The following RBBP8 variants were observed in gnomAD, a reference collection of about 807,000 sequenced individuals.
RBBP8 encodes RB binding protein 8, endonuclease, also known as DNA endonuclease RBBP8.
RBBP8 carries 88 observed loss-of-function variants against 108.3 expected under a neutral mutation model. The observed-to-expected ratio is 0.81, with a 90% CI of 0.68 to 0.97. The LOEUF is 0.97. RBBP8 is among the 50% of genes least tolerant of loss of function. RBBP8 has a pLI of 0.00. For missense variants in RBBP8, 1,023 were observed against 1,049.0 expected, an observed-to-expected ratio of 0.98 and a Z score of 0.34; for synonymous variants, 332 against 348.2, an observed-to-expected ratio of 0.95 and a Z score of 0.52.
At chr18:22,980,447 G>C (rs1914829123) in intron 6 of RBBP8, among the ~76,000 whole-genome samples, 2 of 152,244 alleles carry the variant, frequency 1.3e-5, no homozygotes, top group South Asian at 4.1e-4. Context: ...GGTATCTGGG[G>C]ATGAGCATTC....
intron 13 of RBBP8, among the ~76,000 whole-genome samples, chr18:22,997,315 C>T (rs1322808635): frequency 6.6e-6 from 1 of 152,054 alleles, no homozygotes; most frequent in Non-Finnish European, 1.5e-5. Flanking sequence ...ATGTTCATTA[C>T]TATAAGGCAA....
chr18:22,992,631 A>T, intron 10 of RBBP8, 117 bp from the exon 11 acceptor site: 1 of 785,940 alleles, frequency 1.3e-6, no homozygotes, highest in Non-Finnish European at 2.0e-6. Context: ...CATCTAAATG[A>T]AGAGAAGCCA....
chr18:22,935,170 T>G (rs1910432766), intron 1 of RBBP8, among the ~76,000 whole-genome samples: 1 of 151,462 alleles, frequency 6.6e-6, no homozygotes, highest in South Asian at 2.1e-4. Context: ...CAGAAATAAA[T>G]GTACACAAGA....
intron 4 of RBBP8, among the ~76,000 whole-genome samples, chr18:22,957,083 G>C (rs1203507090): frequency 6.6e-6 from 1 of 152,052 alleles, no homozygotes; most frequent in African/African-American, 2.4e-5. Context: ...TTATAATCAG[G>C]AGATGTATGG....
rs528056721 is a variant in RBBP8, at chr18:22,949,895, A to G, written c.248+182A>G. The G allele has an allele frequency of 1.3e-4, 77 of 573,866 alleles. No individual in the cohort carries two copies. In the African/African-American group the frequency reaches 1.4e-3, roughly 11 times the overall value. 35.5% of individuals were successfully genotyped at this position (573,866 alleles called of 1,614,324 possible). ...CTTTAAGATTTTCATTAATTCTGAG[A>G]TCACATCAGTTTACCCTTTAAATGA... On this transcript the variant is annotated intron_variant, in intron 4 of 18. Transcript: ENST00000327155.
chr18:22,993,873 C>T lies in RBBP8; in HGVS notation c.1939+26C>T, dbSNP rs776219681. Reference sequence around the variant, plus strand: ...GTGTGTACACCATAAACAGGATCTCCACTTTTTTAATGACTTCAGATTGAA... The same window carrying T: ...GTGTGTACACCATAAACAGGATCTCTACTTTTTTAATGACTTCAGATTGAA... On this transcript the variant is annotated intron_variant, in intron 12 of 18. Coordinates refer to ENST00000327155, the MANE Select transcript of RBBP8 (RefSeq NM_002894.3). 2.5e-6 allele frequency: 4 copies of T among 1,603,872 alleles called. No individual in the cohort carries two copies. In the South Asian group the frequency reaches 3.3e-5, roughly 13 times the overall value.
chr18:23,007,818 G>T (rs1414299300), intron 16 of RBBP8, among the ~76,000 whole-genome samples: 3 of 144,016 alleles, frequency 2.1e-5, no homozygotes, highest in African/African-American at 5.1e-5. Flanking sequence ...TGTTTTTTTG[G>T]TTTTTTTTTT....
At chr18:22,932,413 G>A (rs1351649772), upstream of RBBP8, among the ~76,000 whole-genome samples, 2 of 152,194 alleles carry the variant, frequency 1.3e-5, no homozygotes, top group Non-Finnish European at 2.9e-5. Context: ...AATGATAGTT[G>A]CTGTAACAGG....
chr18:22,947,856 T>C (rs9953640), intron 3 of RBBP8, among the ~76,000 whole-genome samples: 74,625 of 151,944 alleles, frequency 0.49, 21,696 homozygotes, highest in Middle Eastern at 0.68. Flanking sequence ...TATTAAGTAA[T>C]TGAAGTTAGT....
chr18:22,994,354 CATT>C (rs1379033081), intron 12 of RBBP8, among the ~76,000 whole-genome samples: 7 of 145,490 alleles, frequency 4.8e-5, no homozygotes, highest in Non-Finnish European at 7.6e-5. Flanking sequence ...CCTTTAAAAA[CATT>C]GTTGGCCCGG....
At chr18:22,949,550 G>A (rs1156739421) in intron 3 of RBBP8, 68 bp from the exon 4 acceptor site, 4 of 1,123,750 alleles carry the variant, frequency 3.6e-6, no homozygotes, top group Non-Finnish European at 5.4e-6. Flanking sequence ...TAAACACGGT[G>A]GAGCTCTTAG....
intron 4 of RBBP8, among the ~76,000 whole-genome samples, chr18:22,966,031 A>G (rs975587415): frequency 2.0e-5 from 3 of 152,138 alleles, no homozygotes; most frequent in East Asian, 3.9e-4. Context: ...AGCTTTTCCT[A>G]TCATTGGCTT....
At chr18:22,931,698 A>T (rs1338859362), upstream of RBBP8, among the ~76,000 whole-genome samples, 1 of 152,150 alleles carries the variant, frequency 6.6e-6, no homozygotes, top group Non-Finnish European at 1.5e-5. Flanking sequence ...CTCAATTTAC[A>T]GGTAGGTAAA....
intron 17 of RBBP8, among the ~76,000 whole-genome samples, chr18:23,021,544 C>G (rs904968130): frequency 6.6e-6 from 1 of 152,150 alleles, no homozygotes; most frequent in African/African-American, 2.4e-5. Context: ...GCATGAAGTT[C>G]AAGTTCTTTG....
chr18:22,928,450 A>G (rs1280233876), upstream of RBBP8, among the ~76,000 whole-genome samples: 2 of 152,140 alleles, frequency 1.3e-5, no homozygotes, highest in South Asian at 4.1e-4. Flanking sequence ...ACTTAAAAGA[A>G]TAAGAAAGAT....
intron 2 of RBBP8, among the ~76,000 whole-genome samples, chr18:22,937,292 T>C (rs1055766879): frequency 7.2e-5 from 11 of 152,088 alleles, no homozygotes; most frequent in Admixed American, 2.6e-4. Context: ...CTCCCACTTA[T>C]AAATGAGAAC....
chr18:22,957,689 G>A (rs1359818714), intron 4 of RBBP8, among the ~76,000 whole-genome samples: 1 of 152,066 alleles, frequency 6.6e-6, no homozygotes, highest in East Asian at 1.9e-4. Context: ...ATAGGCAAGA[G>A]GAAAGCAATG....
Position 23,006,348 on chromosome 18 carries a change from A to G in RBBP8, c.2288-15A>G. On this transcript the variant is annotated splice_polypyrimidine_tract_variant and intron_variant, in intron 15 of 18. Transcript: ENST00000327155. The stretch of plus-strand genomic sequence containing the variant: ...GTTCTACATTTAGTTTGTAATGTGC[A>G]TGTTTTATTTATAGCTCATGGTGAT... The G allele has an allele frequency of 3.7e-6, 6 of 1,605,264 alleles. No homozygotes were observed. Among genetic ancestry groups the G allele is most frequent in the Non-Finnish European group, 5.1e-6 (6 of 1,172,272 alleles).
chr18:23,000,218 A>G (rs796323048), intron 14 of RBBP8, among the ~76,000 whole-genome samples: 2 of 152,302 alleles, frequency 1.3e-5, no homozygotes, highest in South Asian at 2.1e-4. Context: ...TGGTACTTAT[A>G]TAGAATAATC....
Sources: allele counts gnomAD v4.1 joint callset (sites outside exome capture counted in the v4.1 genomes callset), GRCh38; gene constraint gnomAD v4.1.1; transcripts MANE v1.5; gene names NCBI Gene and HGNC (gene_info 2026-07-23, HGNC 2026-07-21).